Variants in SMC2 observed in about 807,000 individuals in gnomAD.
The protein encoded by SMC2 is structural maintenance of chromosomes protein 2.
Under a neutral mutation model 142.6 loss-of-function variants are expected in SMC2, and 41 were observed. The observed-to-expected ratio is 0.29, with a 90% CI of 0.22 to 0.37. The LOEUF is 0.37. Among genes scored for constraint, SMC2 ranks in the 10% least tolerant of loss-of-function variants. The probability of loss-of-function intolerance (pLI) is 1.00; values close to 1 mark genes in which losing one functional copy is unlikely to be tolerated. For missense variants in SMC2, 1,265 were observed against 1,373.7 expected, an observed-to-expected ratio of 0.92 and a Z score of 1.25; for synonymous variants, 463 against 457.5, an observed-to-expected ratio of 1.01 and a Z score of -0.15.
intron 3 of SMC2, among the ~76,000 whole-genome samples, chr9:104,097,921 G>A (rs1830638064): frequency 6.7e-6 from 1 of 148,334 alleles, no homozygotes; most frequent in South Asian, 2.1e-4. Context: ...GACAATTTAA[G>A]TGTGATAGTA....
At chr9:104,095,988 A>G (rs1436204178) in intron 2 of SMC2, among the ~76,000 whole-genome samples, 160 bp from the exon 3 acceptor site, 2 of 152,146 alleles carry the variant, frequency 1.3e-5, no homozygotes, top group African/African-American at 2.4e-5. Context: ...GTTGTTGCCT[A>G]TTTTCCTTGT....
chr9:104,139,107 GT>G, intron 24 of SMC2, 31 bp from the exon 25 acceptor site: 3 of 1,488,616 alleles, frequency 2.0e-6, no homozygotes, highest in East Asian at 2.4e-5. Flanking sequence ...ATCACAAAAA[GT>G]TTTTTTATAC....
At chr9:104,096,069 C>A (rs538295169) in intron 2 of SMC2, 79 bp from the exon 3 acceptor site, 4 of 1,358,082 alleles carry the variant, frequency 2.9e-6, no homozygotes, top group Middle Eastern at 2.7e-4. Context: ...GGTTTTCCAA[C>A]AGCAAGGGAC....
chr9:104,116,412 C>A, intron 14 of SMC2, 93 bp downstream of exon 14: 1 of 1,185,264 alleles, frequency 8.4e-7, no homozygotes, highest in Non-Finnish European at 1.1e-6. Context: ...TAATCATATG[C>A]AGAACCACAA....
At chr9:104,121,510 T>G (rs1400123527) in intron 16 of SMC2, among the ~76,000 whole-genome samples, 50 of 152,040 alleles carry the variant, frequency 3.3e-4, no homozygotes, top group Non-Finnish European at 1.2e-4. Context: ...AAAAAGAATT[T>G]TTTTTTTAAA....
chr9:104,096,240 C>T lies in SMC2; in HGVS notation c.261C>T (p.Asp87=), dbSNP rs150554882. 14 of 1,613,972 alleles carry T rather than the reference C, an allele frequency of 8.7e-6. No homozygotes were observed. Among genetic ancestry groups the T allele is most frequent in the Non-Finnish European group, 1.2e-5 (14 of 1,179,966 alleles). Residue 87 remains aspartate, a synonymous_variant, in exon 3 of 25, where the codon GAC becomes GAT. Coordinates refer to ENST00000374793, the MANE Select transcript of SMC2 (RefSeq NM_006444.3). ...ASVSITFDNS[D]KKQSPLGFEV... ...TGTCAATCACTTTTGATAATTCTGACAAAAAGCAAAGTCCTTTAGGATTTG... is the reference window on the plus strand; with the variant it reads ...TGTCAATCACTTTTGATAATTCTGATAAAAAGCAAAGTCCTTTAGGATTTG...
At chr9:104,097,704 G>C (rs574805789) in intron 3 of SMC2, among the ~76,000 whole-genome samples, 1 of 152,078 alleles carries the variant, frequency 6.6e-6, no homozygotes, top group Non-Finnish European at 1.5e-5. Flanking sequence ...GTCAGAGAAG[G>C]GTCTTCAAAT....
chr9:104,098,837 T>TA (rs57501335), intron 4 of SMC2, among the ~76,000 whole-genome samples: 72,371 of 145,346 alleles, frequency 0.5, 18,327 homozygotes, highest in Middle Eastern at 0.54. Flanking sequence ...ATGTTAACTG[T>TA]AAAAAAAAAA....
intron 9 of SMC2, among the ~76,000 whole-genome samples, chr9:104,105,350 A>T (rs751802186): frequency 2.6e-5 from 4 of 151,980 alleles, no homozygotes; most frequent in Non-Finnish European, 5.9e-5. Context: ...CAGGCCTGAC[A>T]TTGCCCATCT....
chr9:104,106,480 A>C (rs2131349618), intron 9 of SMC2, among the ~76,000 whole-genome samples: 2 of 151,844 alleles, frequency 1.3e-5, no homozygotes, highest in Middle Eastern at 6.8e-3. Flanking sequence ...CTTGCACTCC[A>C]CCCCCCGGGC....
rs7872034 is a variant in SMC2, at chr9:104,134,528, G to A, written c.3222G>A (p.Leu1074=). 0.54 allele frequency: 873,919 copies of A among 1,606,974 alleles called. 245,966 individuals carry two copies. The highest frequency in any genetic ancestry group is 0.76 in the African/African-American group (56,518 of 74,674). ...ATGGTCTGGAGTTCAAGGTTGCCTT[G>A]GGAAATACCTGGAAAGAAAACCTAA... is the stretch of plus-strand genomic sequence containing the variant. The part of the protein sequence containing the change: ...VLDGLEFKVA[L]GNTWKENLTE... Residue 1074 remains leucine, a synonymous_variant, in exon 23 of 25, where the codon TTG becomes TTA. Coordinates refer to ENST00000374793, the MANE Select transcript of SMC2 (RefSeq NM_006444.3).
chr9:104,138,142 C>T lies in SMC2; in HGVS notation c.3394C>T (p.Arg1132Cys), dbSNP rs201237445. The stretch of plus-strand genomic sequence containing the variant: ...TACCCAAAACATTGGACAGATGCTG[C>T]GTACTCATTTCACACATTCTCAGGT... ...SHTQNIGQML[R>C]THFTHSQFIV... is the part of the protein sequence containing the mutation. Residue 1132 changes from arginine to cysteine, a missense_variant, in exon 24 of 25, where the codon CGT becomes TGT. Arg to Cys is a radical substitution (Grantham distance 180, BLOSUM62 -3). Around this residue, in one of 4 missense-constraint regions of SMC2, gnomAD observed 192 missense variants for 261.9 expected, o/e 0.73. Coordinates refer to ENST00000374793, the MANE Select transcript of SMC2 (RefSeq NM_006444.3). 10 of 1,604,038 alleles carry T rather than the reference C, an allele frequency of 6.2e-6. No individual in the cohort carries two copies. The highest frequency in any genetic ancestry group is 2.2e-5 in the South Asian group (2 of 89,564).
In SMC2 at chr9:104,094,430, A is replaced by G. The variant is rs1403185019; in HGVS notation, c.-109A>G. ...AGTTGTTCTGTTCCCTGCCTTTGTG[A>G]CCCGGAGGAGCTTTTGGGGTGCGTC... is the stretch of plus-strand genomic sequence containing the variant. On this transcript the variant is annotated 5_prime_UTR_variant, in exon 1 of 25. Transcript: ENST00000374793. 5.0e-6 allele frequency: 2 copies of G among 397,694 alleles called. No individual in the cohort carries two copies. The highest frequency in any genetic ancestry group is 8.9e-6 in the Non-Finnish European group (2 of 225,796). The allele number at this position is 397,694 out of a possible 1,614,324, so 24.6% of individuals were successfully genotyped here.
chr9:104,129,565 T>C lies in SMC2; in HGVS notation c.2791-80T>C, dbSNP rs1431420534. 7.2e-6 allele frequency: 8 copies of C among 1,106,518 alleles called. No homozygotes were observed. In the East Asian group the frequency reaches 1.2e-4, roughly 16 times the overall value. The allele number at this position is 1,106,518 out of a possible 1,614,324, so 68.5% of individuals were successfully genotyped here. A position where few individuals can be genotyped will look rare whatever the true frequency, so the allele number is the denominator to read the frequency against. Reference sequence around the variant, plus strand: ...CTCTTCAGTATTTGATTCAAAAGTATTAAATAGTTAAGAAACTGGCTTATA... The same window carrying C: ...CTCTTCAGTATTTGATTCAAAAGTACTAAATAGTTAAGAAACTGGCTTATA... On this transcript the variant is annotated intron_variant, in intron 20 of 24. Transcript: ENST00000374793.
intron 13 of SMC2, among the ~76,000 whole-genome samples, chr9:104,115,681 C>T (rs1241728579): frequency 6.6e-6 from 1 of 152,042 alleles, no homozygotes; most frequent in Non-Finnish European, 1.5e-5. Context: ...AGCCATTCAC[C>T]TTCCATAGTT....
intron 9 of SMC2, among the ~76,000 whole-genome samples, chr9:104,110,328 A>G (rs1832281699): frequency 6.6e-6 from 1 of 152,212 alleles, no homozygotes; most frequent in Non-Finnish European, 1.5e-5. Context: ...TATCTTGTAA[A>G]CAGATAATAT....
intron 22 of SMC2, among the ~76,000 whole-genome samples, chr9:104,132,596 T>G (rs1835105030): frequency 6.6e-6 from 1 of 152,156 alleles, no homozygotes; most frequent in African/African-American, 2.4e-5. Flanking sequence ...TTTGGTAGTT[T>G]AGCAAACCTG....
intron 14 of SMC2, 73 bp from the exon 15 acceptor site, chr9:104,118,098 A>G (rs933678648): frequency 1.7e-6 from 2 of 1,161,868 alleles, no homozygotes; most frequent in Non-Finnish European, 2.5e-6. Flanking sequence ...AGCAGTTTTT[A>G]CTGGTTTATA....
rs12351488 is a variant in SMC2, at chr9:104,136,795, G to A, written c.3270-1223G>A. On this transcript the variant is annotated intron_variant, in intron 23 of 24. Coordinates refer to ENST00000374793, the MANE Select transcript of SMC2 (RefSeq NM_006444.3). ...TTTGGCTAGCAATTTTTCTCTACTT[G>A]TGCACACATTTTTTCCCTACTTACA... Among the ~76,000 whole-genome samples, 265 of 74,418 alleles carry A rather than the reference G, an allele frequency of 3.6e-3. 2 individuals are homozygous for A. The highest frequency in any genetic ancestry group is 0.013 in the African/African-American group (252 of 19,082). 48.8% of individuals were successfully genotyped at this position (74,418 alleles called of 152,430 possible).
Sources: gnomAD v4.1 joint callset for allele counts (sites outside exome capture counted in the v4.1 genomes callset) on GRCh38, gnomAD v4.1.1 for gene constraint, gnomAD v4.1.1 regional missense constraint, MANE v1.5 for transcripts, NCBI Gene and HGNC (gene_info 2026-07-23, HGNC 2026-07-21) for gene names.